DLGAP1: variants seen among roughly 807,000 people sequenced by gnomAD.
DLGAP1 encodes the protein disks large-associated protein 1.
In DLGAP1, 11 loss-of-function variants were observed where a neutral mutation model predicts 90.8. That is an observed-to-expected ratio of 0.12 (90% CI 0.08 to 0.20). DLGAP1 has a LOEUF of 0.20. Ranked by LOEUF, DLGAP1 falls within the 10% of genes least tolerant of loss-of-function variation. The pLI is 1.00. For synonymous variants in DLGAP1, 558 were observed against 540.7 expected, an observed-to-expected ratio of 1.03 and a Z score of -0.44; for missense variants, 1,050 against 1,333.8, an observed-to-expected ratio of 0.79 and a Z score of 3.31.
chr18:3,761,868 C>T (rs1414654651), intron 5 of DLGAP1, among the ~76,000 whole-genome samples: 2 of 152,214 alleles, frequency 1.3e-5, no homozygotes, highest in East Asian at 3.8e-4. Context: ...GCCACAGTGC[C>T]TGGTCTCAGT....
At chr18:4,069,561 G>A (rs753965279) in intron 2 of DLGAP1, among the ~76,000 whole-genome samples, 42 of 152,088 alleles carry the variant, frequency 2.8e-4, no homozygotes, top group South Asian at 6.2e-4. Flanking sequence ...TGAAATCTGC[G>A]TTTTAAAAGT....
chr18:3,867,427 A>G (rs1178207204), intron 4 of DLGAP1, among the ~76,000 whole-genome samples: 2 of 152,094 alleles, frequency 1.3e-5, no homozygotes, highest in Non-Finnish European at 2.9e-5. Context: ...TGGGGAGGGG[A>G]AAGTATTGCT....
chr18:3,871,938 C>G (rs16945570), intron 4 of DLGAP1, among the ~76,000 whole-genome samples: 6,856 of 152,250 alleles, frequency 0.045, 485 homozygotes, highest in African/African-American at 0.15. Flanking sequence ...ATAGACAGTT[C>G]TGTGATATCA....
intron 2 of DLGAP1, among the ~76,000 whole-genome samples, chr18:4,059,087 T>G (rs2075263956): frequency 6.6e-6 from 1 of 152,102 alleles, no homozygotes; most frequent in African/African-American, 2.4e-5. Flanking sequence ...GTAAGACCAG[T>G]ACATTTCAAA....
chr18:3,535,433 C>A (rs1022783820), intron 9 of DLGAP1, among the ~76,000 whole-genome samples: 1 of 152,118 alleles, frequency 6.6e-6, no homozygotes. Context: ...AAGGGCCGGG[C>A]GTGGTGGCTC....
intron 3 of DLGAP1, among the ~76,000 whole-genome samples, chr18:3,974,985 C>T (rs1355945859): frequency 6.6e-6 from 1 of 151,950 alleles, no homozygotes; most frequent in African/African-American, 2.4e-5. Flanking sequence ...TAGTCAAATT[C>T]GTAGACACAG....
intron 1 of DLGAP1, among the ~76,000 whole-genome samples, chr18:4,179,707 G>A (rs2077174747): frequency 6.6e-6 from 1 of 152,080 alleles, no homozygotes; most frequent in South Asian, 2.1e-4. Flanking sequence ...GTCTCAATAA[G>A]TTTATTTGTA....
At chr18:3,781,954 T>C (rs2065214327) in intron 5 of DLGAP1, among the ~76,000 whole-genome samples, 1 of 152,190 alleles carries the variant, frequency 6.6e-6, no homozygotes, top group African/African-American at 2.4e-5. Context: ...TTGATTAAAA[T>C]ACAGCTATCC....
intron 2 of DLGAP1, among the ~76,000 whole-genome samples, chr18:4,009,200 G>C (rs2074368716): frequency 6.6e-6 from 1 of 151,888 alleles, no homozygotes; most frequent in African/African-American, 2.4e-5. Context: ...ACTGCACCTG[G>C]CCGCCACCGA....
chr18:3,644,434 G>T (rs1250520185), intron 7 of DLGAP1, among the ~76,000 whole-genome samples: 1 of 137,278 alleles, frequency 7.3e-6, no homozygotes, highest in African/African-American at 3.4e-5. Flanking sequence ...TATTGAGATG[G>T]AGTTTTGCTC....
chr18:3,789,893 T>C (rs2065645569), intron 5 of DLGAP1, among the ~76,000 whole-genome samples: 1 of 152,240 alleles, frequency 6.6e-6, no homozygotes, highest in Non-Finnish European at 1.5e-5. Flanking sequence ...CTAGCAATGA[T>C]ATTTTTAATG....
At chr18:3,741,043 T>TCACCACCACCACCATCATCACCTCACCAC (rs2062921668) in intron 6 of DLGAP1, among the ~76,000 whole-genome samples, 4 of 20,220 alleles carry the variant, frequency 2.0e-4, no homozygotes, top group African/African-American at 8.5e-4. Flanking sequence ...CACCATCACC[T>TCACCACCACCACCATCATCACCTCACCAC]CACCACCACC....
intron 9 of DLGAP1, among the ~76,000 whole-genome samples, chr18:3,555,163 A>G (rs901807171): frequency 1.1e-4 from 17 of 152,366 alleles, no homozygotes; most frequent in African/African-American, 3.8e-4. Context: ...AGTTAGAGAC[A>G]GAAGGTATTG....
At chr18:3,692,376 G>A (rs2060927680) in intron 7 of DLGAP1, among the ~76,000 whole-genome samples, 1 of 152,160 alleles carries the variant, frequency 6.6e-6, no homozygotes, top group Non-Finnish European at 1.5e-5. Flanking sequence ...CAATTATAAA[G>A]TTCTCATGGT....
intron 1 of DLGAP1, among the ~76,000 whole-genome samples, chr18:4,238,946 A>G (rs1239781470): frequency 6.6e-6 from 1 of 152,226 alleles, no homozygotes; most frequent in African/African-American, 2.4e-5. Flanking sequence ...CATCAATAAA[A>G]ACTTTTCACA....
At chr18:3,610,796 G>A (rs540714214) in intron 7 of DLGAP1, among the ~76,000 whole-genome samples, 6 of 151,888 alleles carry the variant, frequency 4.0e-5, no homozygotes, top group East Asian at 1.9e-4. Flanking sequence ...CTGAGATCAC[G>A]CCACTGCACT....
chr18:3,590,834 A>C (rs1378669641), intron 7 of DLGAP1, among the ~76,000 whole-genome samples: 2 of 152,050 alleles, frequency 1.3e-5, no homozygotes, highest in Non-Finnish European at 2.9e-5. Context: ...AGACGGTGCC[A>C]TTGCACTCCA....
rs541011508 is a variant in DLGAP1 at position 4,143,878 on chromosome 18, T to TC, written c.-159+7301dup. 2.4e-3 allele frequency among the ~76,000 whole-genome samples: 360 copies of TC among 152,262 alleles called. 2 individuals carry two copies. The South Asian group carries it at 0.025, about 10-fold the overall frequency. On this transcript the variant is annotated intron_variant, in intron 2 of 12. Transcript: ENST00000315677. ...GGTCCTTCCCTTCAAGGCAGTGGGT[T>TC]CCTTTCTGGCCCAAGTTTTCTCTAG...
At chr18:3,572,537 C>T (rs1599310467) in intron 8 of DLGAP1, among the ~76,000 whole-genome samples, 2 of 152,108 alleles carry the variant, frequency 1.3e-5, no homozygotes, top group South Asian at 4.1e-4. Flanking sequence ...GCAACCTCCA[C>T]CCCCCAGGTT....
Sources: allele counts gnomAD v4.1 joint callset (sites outside exome capture counted in the v4.1 genomes callset), GRCh38; gene constraint gnomAD v4.1.1; transcripts MANE v1.5; gene names NCBI Gene and HGNC (gene_info 2026-07-23, HGNC 2026-07-21).